The following PRRX1 variants were observed in gnomAD, a reference collection of about 807,000 sequenced individuals.
PRRX1 encodes paired related homeobox 1, also known as paired mesoderm homeobox protein 1.
Under a neutral mutation model 24.0 loss-of-function variants are expected in PRRX1, and 8 were observed. The observed-to-expected ratio is 0.33, with a 90% CI of 0.20 to 0.60. The LOEUF (loss-of-function observed/expected upper bound fraction) is 0.60, where lower values mean the gene tolerates loss of function less well. Ranked by LOEUF, PRRX1 falls within the 20% of genes least tolerant of loss-of-function variation. PRRX1 has a pLI of 0.82. For missense variants in PRRX1, 281 were observed against 322.4 expected, an observed-to-expected ratio of 0.87 and a Z score of 0.98; for synonymous variants, 160 against 131.7, an observed-to-expected ratio of 1.22 and a Z score of -1.47.
chr1:170,673,693 T>C (rs956187208), intron 1 of PRRX1, among the ~76,000 whole-genome samples: 6 of 152,214 alleles, frequency 3.9e-5, no homozygotes, highest in Non-Finnish European at 8.8e-5. Flanking sequence ...GAACTTTCTT[T>C]CCCCAGTCTG....
At chr1:170,704,906 C>T (rs1654506801) in intron 1 of PRRX1, among the ~76,000 whole-genome samples, 2 of 152,144 alleles carry the variant, frequency 1.3e-5, no homozygotes, top group Admixed American at 1.3e-4. Context: ...ATGCTTTGTG[C>T]CATTATTTTT....
chr1:170,693,541 C>A (rs1449448635), intron 1 of PRRX1, among the ~76,000 whole-genome samples: 2 of 152,054 alleles, frequency 1.3e-5, no homozygotes, highest in African/African-American at 4.8e-5. Context: ...CTTCCACTTT[C>A]CCTATCCACC....
chr1:170,708,534 C>A (rs1441899149), intron 1 of PRRX1, among the ~76,000 whole-genome samples: 1 of 152,094 alleles, frequency 6.6e-6, no homozygotes, highest in Non-Finnish European at 1.5e-5. Context: ...CTGGAAATGA[C>A]TAACTAGAAG....
chr1:170,665,582 G>T (rs995642610), intron 1 of PRRX1, among the ~76,000 whole-genome samples: 1 of 152,180 alleles, frequency 6.6e-6, no homozygotes, highest in Admixed American at 6.5e-5. Context: ...TCGTGGAACC[G>T]GGGGGCCCTC....
chr1:170,669,513 C>G (rs1305608665), intron 1 of PRRX1: 1 of 147,974 alleles, frequency 6.8e-6, no homozygotes, highest in Non-Finnish European at 1.5e-5. Flanking sequence ...CTCTCCCAGC[C>G]AGGCCCCTTT....
chr1:170,725,953 G>T (rs1218405465), intron 2 of PRRX1, among the ~76,000 whole-genome samples: 7 of 152,066 alleles, frequency 4.6e-5, no homozygotes, highest in African/African-American at 1.7e-4. Context: ...TGTCCCGTGG[G>T]TAAGTCACAG....
At chr1:170,730,288 T>A (rs1326269933) in intron 3 of PRRX1, 1 of 1,610,960 alleles carries the variant, frequency 6.2e-7, no homozygotes, top group Admixed American at 1.7e-5. Context: ...TCCTCGTCCC[T>A]CCCAAGATGT....
At chr1:170,710,969 C>G (rs1409131240) in intron 1 of PRRX1, among the ~76,000 whole-genome samples, 10 of 152,158 alleles carry the variant, frequency 6.6e-5, no homozygotes. Context: ...TTTACAGATA[C>G]AGAAATTGAA....
At chr1:170,709,901 G>C (rs1032793803) in intron 1 of PRRX1, among the ~76,000 whole-genome samples, 15 of 152,342 alleles carry the variant, frequency 9.8e-5, no homozygotes, top group African/African-American at 3.6e-4. Flanking sequence ...AAGGATGGCA[G>C]AGAAATGAAG....
At chr1:170,700,475 A>T (rs990347615) in intron 1 of PRRX1, among the ~76,000 whole-genome samples, 5 of 152,174 alleles carry the variant, frequency 3.3e-5, no homozygotes, top group Admixed American at 1.3e-4. Context: ...CGTGTGTGTC[A>T]TAGATTGAAA....
At chr1:170,698,518 A>T (rs1002351739) in intron 1 of PRRX1, among the ~76,000 whole-genome samples, 2 of 152,218 alleles carry the variant, frequency 1.3e-5, no homozygotes, top group African/African-American at 4.8e-5. Context: ...AAGTTGTTTT[A>T]GAATCACAGT....
At chr1:170,697,591 A>G (rs112082019) in intron 1 of PRRX1, among the ~76,000 whole-genome samples, 1 of 151,084 alleles carries the variant, frequency 6.6e-6, no homozygotes, top group African/African-American at 2.4e-5. Flanking sequence ...ATTTTCTTAT[A>G]TAGTTAAGAA....
chr1:170,718,386 T>C (rs1043299560), intron 1 of PRRX1, among the ~76,000 whole-genome samples: 8 of 152,322 alleles, frequency 5.3e-5, no homozygotes, highest in African/African-American at 1.9e-4. Flanking sequence ...TCTAGATCAT[T>C]CCCTCAATTT....
intron 3 of PRRX1, chr1:170,730,242 TG>T (rs767897111): frequency 2.6e-6 from 4 of 1,534,996 alleles, no homozygotes; most frequent in Non-Finnish European, 2.7e-6. Context: ...TGAACGCATT[TG>T]GCTTATTTCT....
chr1:170,693,253 T>C (rs1376228842), intron 1 of PRRX1, among the ~76,000 whole-genome samples: 1 of 152,114 alleles, frequency 6.6e-6, no homozygotes, highest in Non-Finnish European at 1.5e-5. Flanking sequence ...GATAAATGAC[T>C]CGCAAAATAG....
At chr1:170,718,218 C>A (rs964212675) in intron 1 of PRRX1, among the ~76,000 whole-genome samples, 1 of 152,182 alleles carries the variant, frequency 6.6e-6, no homozygotes, top group Non-Finnish European at 1.5e-5. Context: ...TATCTGGGTG[C>A]TTTAATTATC....
intron 1 of PRRX1, 148 bp from the exon 2 acceptor site, chr1:170,719,578 G>A (rs905947728): frequency 1.2e-5 from 10 of 853,500 alleles, no homozygotes; most frequent in Non-Finnish European, 1.7e-5. Flanking sequence ...GGCCACATTT[G>A]CACATGCAAA....
intron 1 of PRRX1, among the ~76,000 whole-genome samples, chr1:170,674,242 A>ACG (rs764317358): frequency 5.3e-5 from 8 of 151,386 alleles, no homozygotes; most frequent in Admixed American, 2.6e-4. Context: ...GCACGCACGC[A>ACG]CACACACACA....
intron 1 of PRRX1, among the ~76,000 whole-genome samples, chr1:170,708,354 C>T (rs1292023006): frequency 2.6e-5 from 4 of 151,938 alleles, no homozygotes; most frequent in Non-Finnish European, 4.4e-5. Flanking sequence ...CTTAGTGCAT[C>T]GGCTTCCTTA....
Sources: allele counts gnomAD v4.1 joint callset (sites outside exome capture counted in the v4.1 genomes callset), GRCh38; gene constraint gnomAD v4.1.1; transcripts MANE v1.5; gene names NCBI Gene and HGNC (gene_info 2026-07-23, HGNC 2026-07-21).